The following EPHA6 variants were observed in gnomAD, a reference collection of about 807,000 sequenced individuals.
EPHA6 encodes the protein EPH receptor A6, also known as ephrin type-A receptor 6.
EPHA6 carries 50 observed loss-of-function variants against 112.0 expected under a neutral mutation model. The ratio of observed to expected loss-of-function variants is 0.45; its 90% CI spans 0.36 to 0.56. The LOEUF is 0.56. Ranked by LOEUF, EPHA6 falls within the 20% of genes least tolerant of loss-of-function variation. The pLI, the probability that EPHA6 is intolerant of heterozygous loss-of-function variation, is 0.00. For missense variants in EPHA6, 1,280 were observed against 1,417.4 expected (o/e 0.90, Z 1.56); for synonymous variants, 529 against 490.7 (o/e 1.08, Z -1.03).
Position 97,736,081 on chromosome 3 carries a change from C to A in EPHA6, c.3091C>A (p.Pro1031Thr), listed in dbSNP as rs370274951. The A allele has an allele frequency of 1.4e-5, 22 of 1,612,236 alleles. No individual in the cohort carries two copies. Among genetic ancestry groups the A allele is most frequent in the Non-Finnish European group, 1.9e-5 (22 of 1,179,028 alleles). The change falls in exon 16 of 18, where the codon CCC becomes ACC. Residue 1031 changes from proline to threonine, a missense_variant. By Grantham distance (38) the Pro-to-Thr change is conservative. This residue lies in a region of EPHA6 where 145 missense variants were observed against 153.3 expected (regional missense o/e 0.95). Coordinates refer to ENST00000389672, the MANE Select transcript of EPHA6 (RefSeq NM_001080448.3). Reference sequence around the variant, plus strand: ...CTTCCTTGACAAACTGATCCGAAATCCCAGTGCCCTTCACACCCTGGTGGA... The same window carrying A: ...CTTCCTTGACAAACTGATCCGAAATACCAGTGCCCTTCACACCCTGGTGGA... ...VSFLDKLIRN[P>T]SALHTLVEDI...
At chr3:97,172,159 G>A (rs1576614788) in intron 3 of EPHA6, among the ~76,000 whole-genome samples, 1 of 152,018 alleles carries the variant, frequency 6.6e-6, no homozygotes, top group Admixed American at 6.6e-5. Context: ...TTACAGTGAG[G>A]CATTGGTTTA....
intron 5 of EPHA6, among the ~76,000 whole-genome samples, chr3:97,305,473 C>A (rs997238626): frequency 4.0e-5 from 6 of 151,854 alleles, no homozygotes; most frequent in African/African-American, 1.5e-4. Context: ...AACCCAAATG[C>A]CCATCAATGA....
At chr3:97,186,780 C>G (rs1473905297) in intron 3 of EPHA6, among the ~76,000 whole-genome samples, 1 of 152,076 alleles carries the variant, frequency 6.6e-6, no homozygotes, top group Non-Finnish European at 1.5e-5. Context: ...TGACTTCTTA[C>G]AAGTTTGTCA....
intron 11 of EPHA6, among the ~76,000 whole-genome samples, chr3:97,574,062 G>A (rs910717310): frequency 4.6e-5 from 7 of 151,952 alleles, no homozygotes; most frequent in African/African-American, 1.2e-4. Flanking sequence ...CATGTAATGT[G>A]GACCCAGTCA....
At position 97,610,783 on chromosome 3, in the gene EPHA6, T is replaced by C; in HGVS notation, c.2513-10T>C. 6.2e-7 allele frequency: 1 copy of C among 1,610,016 alleles called. No individual in the cohort carries two copies. The highest frequency in any genetic ancestry group is 8.5e-7 in the Non-Finnish European group (1 of 1,177,168). The stretch of plus-strand genomic sequence containing the variant: ...CTCTAATCCATGTGTATTCTCTTGC[T>C]CTTTTGCAGGCAGACCAGTAATGAT... On this transcript the variant is annotated splice_polypyrimidine_tract_variant and intron_variant, in intron 12 of 17. Transcript: ENST00000389672.
chr3:97,103,381 C>T (rs1255347369), intron 3 of EPHA6, among the ~76,000 whole-genome samples: 1 of 151,892 alleles, frequency 6.6e-6, no homozygotes, highest in African/African-American at 2.4e-5. Context: ...TATCCCAGCA[C>T]CATTTACTGA....
At chr3:97,172,687 T>C (rs974344138) in intron 3 of EPHA6, among the ~76,000 whole-genome samples, 2 of 151,944 alleles carry the variant, frequency 1.3e-5, no homozygotes, top group African/African-American at 4.8e-5. Context: ...TCTGCTTTGA[T>C]CATAACATTC....
intron 3 of EPHA6, among the ~76,000 whole-genome samples, chr3:97,154,218 C>A (rs1041353995): frequency 6.6e-6 from 1 of 151,404 alleles, no homozygotes; most frequent in Non-Finnish European, 1.5e-5. Flanking sequence ...GGCACTGATA[C>A]ATCCAAATTT....
Position 96,875,301 on chromosome 3 carries a change from T to A in EPHA6, c.450+8412T>A, listed in dbSNP as rs137969619. Among the ~76,000 whole-genome samples the A allele has an allele frequency of 6.4e-3, 978 of 152,148 alleles. 7 individuals are homozygous for A. Among genetic ancestry groups the A allele is most frequent in the African/African-American group, 0.021 (885 of 41,524 alleles). The stretch of plus-strand genomic sequence containing the variant: ...GTAAATGACCTCCCCTACATCCAGG[T>A]AGTGCAGAGAAACAGGTGAAGGAAT... On this transcript the variant is annotated intron_variant, in intron 2 of 17. Coordinates refer to ENST00000389672, the MANE Select transcript of EPHA6 (RefSeq NM_001080448.3).
At chr3:97,190,691 A>G (rs1233402520) in intron 3 of EPHA6, among the ~76,000 whole-genome samples, 7 of 152,086 alleles carry the variant, frequency 4.6e-5, no homozygotes, top group African/African-American at 9.7e-5. Flanking sequence ...GCTAATTAAT[A>G]TATCCATTAT....
chr3:97,237,577 T>C (rs1272140531), intron 4 of EPHA6, among the ~76,000 whole-genome samples: 5 of 152,062 alleles, frequency 3.3e-5, no homozygotes, highest in Admixed American at 1.3e-4. Context: ...CAATATCATC[T>C]GTTTGTACAA....
chr3:97,002,709 G>T (rs957492232), intron 3 of EPHA6, among the ~76,000 whole-genome samples: 2 of 152,060 alleles, frequency 1.3e-5, no homozygotes, highest in African/African-American at 4.8e-5. Context: ...TTGTAAAGAA[G>T]TCAGACTCAA....
intron 5 of EPHA6, among the ~76,000 whole-genome samples, chr3:97,254,983 T>C (rs1429321953): frequency 1.3e-5 from 2 of 152,150 alleles, no homozygotes; most frequent in African/African-American, 4.8e-5. Flanking sequence ...TATTTCCAAT[T>C]TGCAAGTTTA....
chr3:96,821,626 C>G (rs1395048587), intron 1 of EPHA6, among the ~76,000 whole-genome samples: 3 of 151,572 alleles, frequency 2.0e-5, no homozygotes, highest in Non-Finnish European at 4.4e-5. Flanking sequence ...CAGTCTGTTT[C>G]CAGATCTGAT....
At chr3:96,984,129 CT>C (rs1239347728) in intron 2 of EPHA6, among the ~76,000 whole-genome samples, 2 of 152,134 alleles carry the variant, frequency 1.3e-5, no homozygotes, top group African/African-American at 4.8e-5. Flanking sequence ...GAGAGGTGCT[CT>C]GGTTTTTAGA....
chr3:97,552,164 C>T (rs752670192), intron 11 of EPHA6, among the ~76,000 whole-genome samples: 1 of 152,128 alleles, frequency 6.6e-6, no homozygotes, highest in Non-Finnish European at 1.5e-5. Context: ...GCTACCTCCA[C>T]GCAGAAAATG....
rs149517698 is a variant in EPHA6, at chr3:97,684,639, C to G, written c.2785-35622C>G. ...TTTCCAGAAACACCCATCTGCCCTC[C>G]ATGCTGAATCACTGCAAAGCGATTT... On this transcript the variant is annotated intron_variant, in intron 14 of 17. Coordinates refer to ENST00000389672, the MANE Select transcript of EPHA6 (RefSeq NM_001080448.3). Among the ~76,000 whole-genome samples the G allele has an allele frequency of 7.3e-3, 1,108 of 152,262 alleles. 13 individuals carry two copies. The highest frequency in any genetic ancestry group is 0.025 in the African/African-American group (1,025 of 41,554).
rs112287845 is a variant in EPHA6 at position 97,469,223 on chromosome 3, G to A, written c.1895-6129G>A. Among the ~76,000 whole-genome samples the A allele has an allele frequency of 3.5e-3, 524 of 151,682 alleles. 3 individuals carry two copies. Among genetic ancestry groups the A allele is most frequent in the African/African-American group, 0.011 (462 of 41,468 alleles). The stretch of plus-strand genomic sequence containing the variant: ...CTGGCTCCTGACTAGTGTACACTTT[G>A]GAATCTTGTGTCAGATTTTCAGTTT... On this transcript the variant is annotated intron_variant, in intron 7 of 17. Coordinates refer to ENST00000389672, the MANE Select transcript of EPHA6 (RefSeq NM_001080448.3).
At chr3:97,678,813 G>A (rs2031620177) in intron 14 of EPHA6, among the ~76,000 whole-genome samples, 1 of 151,946 alleles carries the variant, frequency 6.6e-6, no homozygotes, top group South Asian at 2.1e-4. Context: ...TGTTTTGATT[G>A]TCCTGAAATA....
Sources: allele counts gnomAD v4.1 joint callset (sites outside exome capture counted in the v4.1 genomes callset), GRCh38; gene constraint gnomAD v4.1.1; regional missense constraint gnomAD v4.1.1; transcripts MANE v1.5; gene names NCBI Gene and HGNC (gene_info 2026-07-23, HGNC 2026-07-21).